Variants in RREB1 observed in about 807,000 individuals in gnomAD.
RREB1 encodes the protein ras-responsive element-binding protein 1.
RREB1 carries 27 observed loss-of-function variants against 117.8 expected under a neutral mutation model. That is an observed-to-expected ratio of 0.23 (90% CI 0.17 to 0.32). The LOEUF is 0.32. RREB1 is among the 10% of genes least tolerant of loss of function. RREB1 has a pLI of 1.00. For missense variants in RREB1, 2,577 were observed against 2,378.2 expected (o/e 1.08, Z -1.74); for synonymous variants, 1,298 against 1,026.7 (o/e 1.26, Z -5.05).
At chr6:7,234,764 T>C (rs550031403) in intron 10 of RREB1, among the ~76,000 whole-genome samples, 47 of 152,158 alleles carry the variant, frequency 3.1e-4, no homozygotes, top group Non-Finnish European at 6.3e-4. Flanking sequence ...CACAAGGAAA[T>C]TGAGGTTTAC....
At chr6:7,158,152 C>G (rs1026729453) in intron 1 of RREB1, among the ~76,000 whole-genome samples, 1 of 152,142 alleles carries the variant, frequency 6.6e-6, no homozygotes, top group Non-Finnish European at 1.5e-5. Flanking sequence ...GCCTAACCCC[C>G]CTAACAATCT....
At chr6:7,183,965 T>C (rs1326794552) in intron 4 of RREB1, 1 of 152,076 alleles carries the variant, frequency 6.6e-6, no homozygotes, top group Non-Finnish European at 1.5e-5. Flanking sequence ...CATTATGGAA[T>C]GGTTAGTTAT....
At chr6:7,191,132 G>T (rs1393429657) in intron 6 of RREB1, among the ~76,000 whole-genome samples, 3 of 152,286 alleles carry the variant, frequency 2.0e-5, no homozygotes, top group South Asian at 2.1e-4. Flanking sequence ...CTGTGTGGCA[G>T]TGTGTTTTTA....
At chr6:7,163,130 C>T (rs1430268080) in intron 1 of RREB1, among the ~76,000 whole-genome samples, 1 of 152,164 alleles carries the variant, frequency 6.6e-6, no homozygotes, top group East Asian at 1.9e-4. Flanking sequence ...ACTATTCTTC[C>T]CTTGATGAGA....
In RREB1 at chr6:7,248,726, G is replaced by A. The variant is rs764334269; in HGVS notation, c.4987G>A (p.Ala1663Thr). 2.3e-5 allele frequency: 37 copies of A among 1,614,196 alleles called. No individual in the cohort carries two copies. The highest frequency in any genetic ancestry group is 1.6e-4 in the Middle Eastern group (1 of 6,062). The change falls in exon 13 of 13, where the codon GCC becomes ACC. Residue 1663 changes from alanine (A) to threonine (T), a missense_variant. Coordinates refer to ENST00000379938, the MANE Select transcript of RREB1 (RefSeq NM_001003699.4). The stretch of plus-strand genomic sequence containing the variant: ...GAACGAGGCTGAGCTGGCTCCCAAT[G>A]CCAGCAACCACATGGCTGTCACCCG... Reference protein sequence around the residue: ...SENEAELAPNASNHMAVTRSR... With the variant: ...SENEAELAPNTSNHMAVTRSR...
intron 1 of RREB1, among the ~76,000 whole-genome samples, chr6:7,163,611 G>C (rs912628487): frequency 6.6e-6 from 1 of 152,034 alleles, no homozygotes; most frequent in Non-Finnish European, 1.5e-5. Flanking sequence ...AGCCAGGATG[G>C]TCTCGATCTC....
At chr6:7,213,725 C>T (rs1296678109) in intron 8 of RREB1, 1 of 152,330 alleles carries the variant, frequency 6.6e-6, no homozygotes, top group Non-Finnish European at 1.5e-5. Context: ...AGAAACAGCA[C>T]AGGGGACCCC....
chr6:7,163,379 C>T (rs1478271418), intron 1 of RREB1, among the ~76,000 whole-genome samples: 1 of 151,936 alleles, frequency 6.6e-6, no homozygotes. Flanking sequence ...TTGACTTCAG[C>T]GTTTTATTTT....
intron 1 of RREB1, among the ~76,000 whole-genome samples, chr6:7,123,673 T>G (rs1761779226): frequency 7.0e-6 from 1 of 143,774 alleles, no homozygotes; most frequent in African/African-American, 2.6e-5. Context: ...TGCAGTGGCG[T>G]GACCTCAGCT....
At chr6:7,206,797 GTGCAGTTT>G (rs974023573) in intron 6 of RREB1, among the ~76,000 whole-genome samples, 1 of 149,230 alleles carries the variant, frequency 6.7e-6, no homozygotes, top group African/African-American at 2.5e-5. Flanking sequence ...AAGGTCTGGG[GTGCAGTTT>G]TCCAGGCAGG....
intron 8 of RREB1, among the ~76,000 whole-genome samples, chr6:7,221,109 TTTTA>T (rs1417049948): frequency 1.1e-4 from 17 of 152,202 alleles, no homozygotes; most frequent in African/African-American, 3.4e-4. Context: ...TCCACACTGG[TTTTA>T]TTTAAGGTCT....
intron 6 of RREB1, 54 bp downstream of exon 6, chr6:7,189,376 G>A (rs1765277188): frequency 4.7e-6 from 7 of 1,501,700 alleles, no homozygotes; most frequent in Non-Finnish European, 6.3e-6. Flanking sequence ...GAGGTTGGCA[G>A]GCAGGACAGT....
At chr6:7,237,477 G>C (rs775200706) in intron 10 of RREB1, among the ~76,000 whole-genome samples, 1 of 151,450 alleles carries the variant, frequency 6.6e-6, no homozygotes, top group African/African-American at 2.4e-5. Flanking sequence ...ATCCACCTCC[G>C]TTGGCCTCCC....
At position 7,250,873 on chromosome 6, in the gene RREB1, C is replaced by T. The variant is rs1339771319; in HGVS notation, c.*1905C>T. On this transcript the variant is annotated 3_prime_UTR_variant, in exon 13 of 13. Transcript: ENST00000379938. ...AGGGGTGTATGAACCAGTTTAAAAA[C>T]GAGGTTTTATTTACTGTAGAGATGA... The T allele has an allele frequency of 6.6e-6, 1 of 152,048 alleles. No homozygotes were observed. The highest frequency in any genetic ancestry group is 2.4e-5 in the African/African-American group (1 of 41,378). The allele number at this position is 152,048 out of a possible 1,614,324, so 9.4% of individuals were successfully genotyped here. A position where few individuals can be genotyped will look rare whatever the true frequency, so the allele number is the denominator to read the frequency against.
chr6:7,211,662 G>A lies in RREB1; in HGVS notation c.660G>A (p.Lys220=), dbSNP rs771354147. ...CPVCFKEFVC[K]YGLETHMETH... The stretch of plus-strand genomic sequence containing the variant: ...TATGTTTCAAGGAGTTTGTTTGCAA[G>A]TATGGACTGGAGACCCACATGGAGA... Residue 220 remains lysine (K), a synonymous_variant, in exon 8 of 13, where the codon AAG becomes AAA. Transcript: ENST00000379938. 18 of 1,614,012 alleles carry A rather than the reference G, an allele frequency of 1.1e-5. No homozygotes were observed. Among genetic ancestry groups the A allele is most frequent in the Non-Finnish European group, 1.5e-5 (18 of 1,179,976 alleles).
chr6:7,110,492 G>C (rs1004081695), intron 1 of RREB1, among the ~76,000 whole-genome samples: 37 of 152,092 alleles, frequency 2.4e-4, no homozygotes, highest in Non-Finnish European at 4.3e-4. Context: ...GTGTGTGTGT[G>C]TGTGTATGTG....
At chr6:7,202,376 A>G (rs866186733) in intron 6 of RREB1, among the ~76,000 whole-genome samples, 1 of 152,150 alleles carries the variant, frequency 6.6e-6, no homozygotes, top group East Asian at 1.9e-4. Flanking sequence ...TCTTGAAGAC[A>G]CCTCAAGTGA....
At chr6:7,199,778 C>CTTA (rs1765851706) in intron 6 of RREB1, among the ~76,000 whole-genome samples, 2 of 152,100 alleles carry the variant, frequency 1.3e-5, no homozygotes, top group Admixed American at 6.5e-5. Flanking sequence ...ATCCTCCCAC[C>CTTA]TTACCCTCCC....
chr6:7,197,482 T>G (rs1173597728), intron 6 of RREB1, among the ~76,000 whole-genome samples: 1 of 152,136 alleles, frequency 6.6e-6, no homozygotes, highest in Non-Finnish European at 1.5e-5. Flanking sequence ...GACAGGAGTT[T>G]GAGAACAGCC....
Sources: gnomAD v4.1 joint callset for allele counts (sites outside exome capture counted in the v4.1 genomes callset) on GRCh38, gnomAD v4.1.1 for gene constraint, MANE v1.5 for transcripts, NCBI Gene and HGNC (gene_info 2026-07-23, HGNC 2026-07-21) for gene names.